NAALADL2: variants seen among roughly 807,000 people sequenced by gnomAD.
The protein encoded by NAALADL2 is inactive N-acetylated-alpha-linked acidic dipeptidase-like protein 2.
In NAALADL2, 76 loss-of-function variants were observed where a neutral mutation model predicts 87.2. The observed-to-expected ratio is 0.87, with a 90% CI of 0.72 to 1.05. The LOEUF is 1.05. NAALADL2 is among the 50% of genes least tolerant of loss of function. The probability of loss-of-function intolerance (pLI) is 0.00; values close to 1 mark genes in which losing one functional copy is unlikely to be tolerated. For missense variants in NAALADL2, 1,089 were observed against 945.8 expected (o/e 1.15, Z -1.99); for synonymous variants, 354 against 331.0 (o/e 1.07, Z -0.75).
chr3:175,785,140 G>A (rs1210412558), intron 13 of NAALADL2, among the ~76,000 whole-genome samples: 1 of 150,328 alleles, frequency 6.7e-6, no homozygotes, highest in Non-Finnish European at 1.5e-5. Flanking sequence ...GGTCAATTTT[G>A]GAATAGGTGT....
intron 5 of NAALADL2, among the ~76,000 whole-genome samples, chr3:175,367,383 C>T (rs1206810951): frequency 4.0e-5 from 6 of 150,708 alleles, no homozygotes; most frequent in African/African-American, 1.2e-4. Flanking sequence ...GAGTTGTTTC[C>T]GATTCTGTGA....
At chr3:175,087,755 G>A (rs1719311318) in intron 1 of NAALADL2, among the ~76,000 whole-genome samples, 1 of 151,976 alleles carries the variant, frequency 6.6e-6, no homozygotes, top group Admixed American at 6.6e-5. Flanking sequence ...CAAGTACCCA[G>A]GGACACAAAC....
At chr3:175,229,289 G>T (rs1903444) in intron 2 of NAALADL2, among the ~76,000 whole-genome samples, 26,944 of 151,698 alleles carry the variant, frequency 0.18, 2,596 homozygotes, top group East Asian at 0.29. Flanking sequence ...TGATATAATT[G>T]TTTTACATAG....
intron 2 of NAALADL2, among the ~76,000 whole-genome samples, chr3:175,141,405 T>A (rs1287116236): frequency 6.6e-6 from 1 of 152,012 alleles, no homozygotes; most frequent in Non-Finnish European, 1.5e-5. Context: ...AAGCAAGAGA[T>A]AAATTCAAGT....
chr3:175,072,070 A>C (rs1473390521), intron 1 of NAALADL2, among the ~76,000 whole-genome samples: 1 of 152,094 alleles, frequency 6.6e-6, no homozygotes, highest in Non-Finnish European at 1.5e-5. Context: ...ATATGGTCAC[A>C]GTGTAAAACC....
chr3:175,333,374 G>A (rs1305803490), intron 5 of NAALADL2, among the ~76,000 whole-genome samples: 2 of 152,174 alleles, frequency 1.3e-5, no homozygotes, highest in Non-Finnish European at 2.9e-5. Flanking sequence ...TAGGTAGGTG[G>A]CTAGGGAGCA....
chr3:174,859,288 A>C (rs765963460), upstream of NAALADL2: 37 of 709,974 alleles, frequency 5.2e-5, no homozygotes, highest in Non-Finnish European at 8.0e-5. Context: ...AATTATTCAC[A>C]GAAGAAAGCA....
At chr3:175,655,729 TAAAA>T (rs1218320257) in intron 11 of NAALADL2, among the ~76,000 whole-genome samples, 2 of 145,948 alleles carry the variant, frequency 1.4e-5, no homozygotes, top group Admixed American at 6.7e-5. Flanking sequence ...TAAAATAAAA[TAAAA>T]AAACTTACAG....
At chr3:174,469,266 CT>C (rs914414673) in intron 1 of NAALADL2, among the ~76,000 whole-genome samples, 69 of 142,404 alleles carry the variant, frequency 4.8e-4, no homozygotes, top group East Asian at 1.0e-3. Flanking sequence ...CAGACAGGGT[CT>C]TTTTTTTTTT....
chr3:175,561,716 T>A (rs1218230363), intron 9 of NAALADL2, among the ~76,000 whole-genome samples: 1 of 152,200 alleles, frequency 6.6e-6, no homozygotes, highest in Non-Finnish European at 1.5e-5. Context: ...CCTACACTTA[T>A]GACTTAATTT....
intron 2 of NAALADL2, among the ~76,000 whole-genome samples, chr3:174,568,591 C>G (rs1361504699): frequency 6.6e-6 from 1 of 151,740 alleles, no homozygotes. Flanking sequence ...GAAAATCATG[C>G]TTTAACTATT....
At chr3:174,842,145 G>T (rs1389608771) in intron 3 of NAALADL2, among the ~76,000 whole-genome samples, 2 of 151,382 alleles carry the variant, frequency 1.3e-5, no homozygotes, top group African/African-American at 4.9e-5. Context: ...TCTGCCTGCC[G>T]GGTTCAAGTG....
In NAALADL2 at chr3:175,366,167, G is replaced by A. The variant is rs141721197; in HGVS notation, c.1090+41842G>A. ...AATGATGATTTCCAATTTCATCCAT[G>A]TCCCTACAAAGCATATGAACTCATC... On this transcript the variant is annotated intron_variant, in intron 5 of 13. Coordinates refer to ENST00000454872, the MANE Select transcript of NAALADL2 (RefSeq NM_207015.3). 3.6e-3 allele frequency among the ~76,000 whole-genome samples: 518 copies of A among 144,642 alleles called. 32 individuals carry two copies. The highest frequency in any genetic ancestry group is 0.012 in the African/African-American group (473 of 39,894). The allele number at this position is 144,642 out of a possible 152,430, so 94.9% of individuals were successfully genotyped here. A position where few individuals can be genotyped will look rare whatever the true frequency, so the allele number is the denominator to read the frequency against.
intron 9 of NAALADL2, chr3:175,487,501 A>T (rs1157650772): frequency 2.2e-6 from 1 of 456,454 alleles, no homozygotes; most frequent in Non-Finnish European, 4.4e-6. Flanking sequence ...ATGAACTAAG[A>T]GCAGATTTCT....
At chr3:175,656,859 C>T (rs1731537784) in intron 11 of NAALADL2, among the ~76,000 whole-genome samples, 1 of 152,052 alleles carries the variant, frequency 6.6e-6, no homozygotes, top group South Asian at 2.1e-4. Flanking sequence ...TGTAACCTGG[C>T]TTTGTGTCAG....
chr3:175,324,370 C>CA, intron 5 of NAALADL2, 45 bp downstream of exon 5: 5 of 1,475,448 alleles, frequency 3.4e-6, no homozygotes, highest in Non-Finnish European at 4.6e-6. Context: ...GTAAGCATTA[C>CA]AAGGTTGCAA....
intron 5 of NAALADL2, among the ~76,000 whole-genome samples, chr3:175,324,540 C>T (rs1005593806): frequency 2.0e-5 from 3 of 152,250 alleles, no homozygotes; most frequent in South Asian, 2.1e-4. Flanking sequence ...ATTTTTATCT[C>T]AACAAATTAC....
chr3:174,628,574 C>G (rs1208727897), intron 2 of NAALADL2, among the ~76,000 whole-genome samples: 1 of 150,582 alleles, frequency 6.6e-6, no homozygotes, highest in African/African-American at 2.4e-5. Context: ...TAATCAAGTT[C>G]ACATTGCTGG....
intron 11 of NAALADL2, among the ~76,000 whole-genome samples, chr3:175,636,034 G>A (rs142109241): frequency 6.6e-6 from 1 of 152,200 alleles, no homozygotes; most frequent in East Asian, 1.9e-4. Flanking sequence ...AAAGAGTCCT[G>A]GAGAGAGTAC....
Sources: gnomAD v4.1 joint callset for allele counts (sites outside exome capture counted in the v4.1 genomes callset) on GRCh38, gnomAD v4.1.1 for gene constraint, MANE v1.5 for transcripts, NCBI Gene and HGNC (gene_info 2026-07-23, HGNC 2026-07-21) for gene names.